HHIP: variants seen among roughly 807,000 people sequenced by gnomAD.
HHIP encodes the protein hedgehog-interacting protein.
Under a neutral mutation model 74.0 loss-of-function variants are expected in HHIP, and 12 were observed. That is an observed-to-expected ratio of 0.16 (90% CI 0.10 to 0.26). The LOEUF (loss-of-function observed/expected upper bound fraction) is 0.26. HHIP is among the 10% of genes least tolerant of loss of function. The pLI, the probability that HHIP is intolerant of heterozygous loss-of-function variation, is 1.00. For synonymous variants in HHIP, 309 were observed against 311.6 expected, an observed-to-expected ratio of 0.99 and a Z score of 0.09; for missense variants, 788 against 845.0, an observed-to-expected ratio of 0.93 and a Z score of 0.84.
In HHIP at chr4:144,734,815, G is replaced by C; in HGVS notation, c.1835G>C (p.Cys612Ser). The change falls in exon 12 of 13, where the codon TGT becomes TCT. Residue 612 changes from cysteine (C) to serine (S), a missense_variant. By Grantham distance (112) the Cys-to-Ser change is moderately radical. This residue lies in a region of HHIP where 343 missense variants were observed against 347.9 expected (regional missense o/e 0.99). Coordinates refer to ENST00000296575, the MANE Select transcript of HHIP (RefSeq NM_022475.3). ...QTLTSECSRL[C>S]RNGYCTPTGK... ...CTGACTTCAGAGTGCTCCAGGCTCT[G>C]TCGAAACGGCTACTGCACCCCCACG... 1.2e-6 allele frequency: 2 copies of C among 1,613,112 alleles called. No individual in the cohort carries two copies. Among genetic ancestry groups the C allele is most frequent in the Non-Finnish European group, 1.7e-6 (2 of 1,179,298 alleles).
chr4:144,736,627 A>T (rs565245604), intron 12 of HHIP, among the ~76,000 whole-genome samples: 8 of 152,330 alleles, frequency 5.3e-5, no homozygotes, highest in Non-Finnish European at 1.2e-4. Context: ...ATAAATTGTG[A>T]TATAAATGAA....
chr4:144,657,077 C>G (rs1467756199), intron 2 of HHIP, among the ~76,000 whole-genome samples: 3 of 152,048 alleles, frequency 2.0e-5, no homozygotes. Context: ...AAGACAAGAT[C>G]CTTTCCAATA....
At chr4:144,735,007 T>C in intron 12 of HHIP, 118 bp downstream of exon 12, 1 of 886,884 alleles carries the variant, frequency 1.1e-6, no homozygotes, top group Non-Finnish European at 1.6e-6. Flanking sequence ...TATTTAGCCA[T>C]TTACAATACT....
intron 2 of HHIP, among the ~76,000 whole-genome samples, chr4:144,657,922 C>A (rs1728596251): frequency 6.6e-6 from 1 of 152,176 alleles, no homozygotes; most frequent in African/African-American, 2.4e-5. Context: ...CAATTCATTG[C>A]TTGATCATTA....
intron 4 of HHIP, among the ~76,000 whole-genome samples, chr4:144,662,891 C>T (rs777369614): frequency 4.6e-5 from 7 of 152,128 alleles, no homozygotes; most frequent in Admixed American, 1.3e-4. Flanking sequence ...GTGCTAGAAC[C>T]AGCTTTGTCT....
At chr4:144,685,460 C>T (rs1226891361) in intron 4 of HHIP, 2 of 152,150 alleles carry the variant, frequency 1.3e-5, no homozygotes, top group East Asian at 3.8e-4. Context: ...ATTAAAATGA[C>T]TTTTATAATA....
rs1728461063 is a variant in HHIP at position 144,652,815 on chromosome 4, ATAAG to A, written c.472+22_472+25del. ...TATTCCAGGTAAGAAAAAAAAATGC[ATAAG>A]TAAAATAAACCACTGCACAATATCC... On this transcript the variant is annotated intron_variant, in intron 2 of 12. Coordinates refer to ENST00000296575, the MANE Select transcript of HHIP (RefSeq NM_022475.3). 2 of 1,510,368 alleles carry A rather than the reference ATAAG, an allele frequency of 1.3e-6. No individual in the cohort carries two copies. The highest frequency in any genetic ancestry group is 1.8e-6 in the Non-Finnish European group (2 of 1,109,388). 93.6% of individuals were successfully genotyped at this position (1,510,368 alleles called of 1,614,324 possible). A position where few individuals can be genotyped will look rare whatever the true frequency, so the allele number is the denominator to read the frequency against.
At chr4:144,721,107 C>A (rs1255426247) in intron 11 of HHIP, among the ~76,000 whole-genome samples, 3 of 152,002 alleles carry the variant, frequency 2.0e-5, no homozygotes, top group Non-Finnish European at 4.4e-5. Context: ...ATTCTCATAC[C>A]AAAACCCCCA....
Position 144,742,842 on chromosome 4 carries a change from T to A in HHIP, c.*4885T>A, listed in dbSNP as rs1644067641. ...GGTTATATATATTTGGTTATATATA[T>A]ATCTTTATATATATATCTTATATAT... On this transcript the variant is annotated 3_prime_UTR_variant, in exon 13 of 13. Transcript: ENST00000296575. 1 of 141,784 alleles carries A rather than the reference T, an allele frequency of 7.1e-6. No individual in the cohort carries two copies. The highest frequency in any genetic ancestry group is 2.7e-5 in the African/African-American group (1 of 37,150). The allele number at this position is 141,784 out of a possible 1,614,324, so 8.8% of individuals were successfully genotyped here.
intron 2 of HHIP, among the ~76,000 whole-genome samples, chr4:144,653,175 T>C (rs1008693526): frequency 2.0e-5 from 3 of 152,154 alleles, no homozygotes; most frequent in Admixed American, 6.5e-5. Context: ...ACATAGCTGA[T>C]ACATATATAT....
At chr4:144,673,879 G>A (rs976353834) in intron 4 of HHIP, among the ~76,000 whole-genome samples, 1 of 152,154 alleles carries the variant, frequency 6.6e-6, no homozygotes, top group African/African-American at 2.4e-5. Context: ...CTTTCAGGCT[G>A]TATGTTAAGC....
At chr4:144,690,673 C>A (rs983359951) in intron 4 of HHIP, among the ~76,000 whole-genome samples, 2 of 152,082 alleles carry the variant, frequency 1.3e-5, no homozygotes, top group Non-Finnish European at 2.9e-5. Flanking sequence ...TGTCTCATGG[C>A]CCCTGATAAA....
In HHIP at chr4:144,733,267, C is replaced by T. The variant is rs140815751; in HGVS notation, c.1761-1474C>T. On this transcript the variant is annotated intron_variant, in intron 11 of 12. Coordinates refer to ENST00000296575, the MANE Select transcript of HHIP (RefSeq NM_022475.3). ...GGCCTTTCACATAAATTGACCATTC[C>T]TAGATTCAAATAAGAAGCTGAATAG... 1.3e-3 allele frequency among the ~76,000 whole-genome samples: 191 copies of T among 152,248 alleles called. 1 individual carries two copies. The highest frequency in any genetic ancestry group is 4.2e-3 in the African/African-American group (175 of 41,554).
At position 144,707,323 on chromosome 4, in the gene HHIP, A is replaced by T. The variant is rs544330370; in HGVS notation, c.1157+63A>T. ...AAAATAGTTTAAGTGCCAGAAGAAA[A>T]GGTGGGCACCAGTGAATTAAGAACC... On this transcript the variant is annotated intron_variant, in intron 6 of 12. Transcript: ENST00000296575. 13 of 1,373,744 alleles carry T rather than the reference A, an allele frequency of 9.5e-6. No homozygotes were observed. In the African/African-American group the frequency reaches 1.9e-4, roughly 20 times the overall value. 85.1% of individuals were successfully genotyped at this position (1,373,744 alleles called of 1,614,324 possible). A position where few individuals can be genotyped will look rare whatever the true frequency, so the allele number is the denominator to read the frequency against.
chr4:144,672,093 G>T (rs1025598771), intron 4 of HHIP, among the ~76,000 whole-genome samples: 18 of 152,326 alleles, frequency 1.2e-4, no homozygotes, highest in African/African-American at 4.3e-4. Flanking sequence ...TTATGGAAAA[G>T]ATAAGGGTTC....
intron 4 of HHIP, among the ~76,000 whole-genome samples, chr4:144,684,315 G>A (rs972120231): frequency 8.3e-6 from 1 of 120,216 alleles, no homozygotes; most frequent in East Asian, 2.5e-4. Context: ...CTGGAGTGCA[G>A]TGGCGCGATC....
At chr4:144,706,417 G>T in intron 4 of HHIP, 114 bp from the exon 5 acceptor site, 9 of 826,202 alleles carry the variant, frequency 1.1e-5, no homozygotes, top group Non-Finnish European at 1.6e-5. Flanking sequence ...AAAGAAAGGA[G>T]GTTGGGCAAA....
rs532640339 is a variant in HHIP, at chr4:144,711,488, C to T, written c.1302-462C>T. ...ATTTGTCCTAAGGCTCTTCGTCCCC[C>T]TGCACCCCGCCCCCCAACAGGCCCC... On this transcript the variant is annotated intron_variant, in intron 7 of 12. Coordinates refer to ENST00000296575, the MANE Select transcript of HHIP (RefSeq NM_022475.3). 6.6e-5 allele frequency among the ~76,000 whole-genome samples: 10 copies of T among 152,250 alleles called. No homozygotes were observed. In the South Asian group the frequency reaches 1.7e-3, roughly 25 times the overall value.
chr4:144,668,597 C>CA lies in HHIP; in HGVS notation c.831+8764dup, dbSNP rs540287856. ...TGAAACCCCTTCTTTACTAAAAATA[C>CA]AAAAATTAGCTGGGTGTGGGGGTGC... is the stretch of plus-strand genomic sequence containing the variant. On this transcript the variant is annotated intron_variant, in intron 4 of 12. Transcript: ENST00000296575. Among the ~76,000 whole-genome samples the CA allele has an allele frequency of 5.3e-4, 81 of 151,858 alleles. 1 individual carries two copies. The highest frequency in any genetic ancestry group is 8.7e-4 in the Non-Finnish European group (59 of 67,954).
Sources: gnomAD v4.1 joint callset for allele counts (sites outside exome capture counted in the v4.1 genomes callset) on GRCh38, gnomAD v4.1.1 for gene constraint, gnomAD v4.1.1 regional missense constraint, MANE v1.5 for transcripts, NCBI Gene and HGNC (gene_info 2026-07-23, HGNC 2026-07-21) for gene names.